CDK19: variants seen among roughly 807,000 people sequenced by gnomAD.
The protein encoded by CDK19 is cyclin dependent kinase 19, also known as cyclin-dependent kinase 19.
CDK19 carries 20 observed loss-of-function variants against 68.3 expected under a neutral mutation model. That is an observed-to-expected ratio of 0.29 (90% confidence interval 0.21 to 0.43). CDK19 has a LOEUF of 0.43. CDK19 is among the 20% of genes least tolerant of loss of function. The probability of loss-of-function intolerance (pLI) is 1.00; values close to 1 mark genes in which losing one functional copy is unlikely to be tolerated. For synonymous variants in CDK19, 221 were observed against 222.8 expected (o/e 0.99, Z 0.07); for missense variants, 339 against 623.5 (o/e 0.54, Z 4.86).
chr6:110,765,493 A>ATG (rs1779518334), intron 1 of CDK19, among the ~76,000 whole-genome samples: 1 of 152,048 alleles, frequency 6.6e-6, no homozygotes, highest in African/African-American at 2.4e-5. Flanking sequence ...CCTGCCCAAC[A>ATG]ACATGGTGAA....
intron 1 of CDK19, among the ~76,000 whole-genome samples, chr6:110,811,831 G>C (rs1783123759): frequency 6.6e-6 from 1 of 151,580 alleles, no homozygotes. Context: ...AACACAGCAA[G>C]ACCCTGTCTG....
At chr6:110,679,447 T>C (rs1299840606) in intron 2 of CDK19, among the ~76,000 whole-genome samples, 1 of 152,024 alleles carries the variant, frequency 6.6e-6, no homozygotes, top group Non-Finnish European at 1.5e-5. Flanking sequence ...ACACCATCTC[T>C]ACTAAAATAC....
chr6:110,724,416 C>A (rs1362032350), intron 2 of CDK19, among the ~76,000 whole-genome samples: 1 of 152,134 alleles, frequency 6.6e-6, no homozygotes, highest in Non-Finnish European at 1.5e-5. Flanking sequence ...ACTGACCGCA[C>A]TGCCCTGCTC....
chr6:110,790,065 T>C lies in CDK19; in HGVS notation c.128+24944A>G, dbSNP rs201396953. ...TAGCTATTCATGTACTCAGCACCAATATATCAGATGCTGAAACATATTATG... is the reference window on the plus strand; with the variant it reads ...TAGCTATTCATGTACTCAGCACCAACATATCAGATGCTGAAACATATTATG... On this transcript the variant is annotated intron_variant, in intron 1 of 12. Coordinates refer to ENST00000368911, the MANE Select transcript of CDK19 (RefSeq NM_015076.5). Among the ~76,000 whole-genome samples the C allele has an allele frequency of 2.6e-5, 4 of 152,188 alleles. No homozygotes were observed. In the East Asian group the frequency reaches 7.7e-4, roughly 29 times the overall value.
intron 2 of CDK19, among the ~76,000 whole-genome samples, chr6:110,712,127 A>G (rs1267550936): frequency 6.6e-6 from 1 of 152,086 alleles, no homozygotes; most frequent in South Asian, 2.1e-4. Context: ...CAGACAGGCT[A>G]CTCCTCCTGT....
intron 1 of CDK19, among the ~76,000 whole-genome samples, chr6:110,809,567 C>T (rs1266404157): frequency 1.6e-4 from 24 of 152,154 alleles, no homozygotes; most frequent in Admixed American, 1.4e-3. Context: ...AAAAGCAGTA[C>T]ATTTCTTAGA....
At chr6:110,780,345 G>A (rs1382534689) in intron 1 of CDK19, among the ~76,000 whole-genome samples, 2 of 142,818 alleles carry the variant, frequency 1.4e-5, no homozygotes, top group South Asian at 2.2e-4. Flanking sequence ...AGCCAAGATC[G>A]CACCACTGCA....
chr6:110,769,981 A>C (rs1241708008), intron 1 of CDK19, among the ~76,000 whole-genome samples: 1 of 152,340 alleles, frequency 6.6e-6, no homozygotes, highest in South Asian at 2.1e-4. Context: ...ATAGCCACTG[A>C]AAAAAGTAAA....
At chr6:110,768,348 A>C (rs936047410) in intron 1 of CDK19, among the ~76,000 whole-genome samples, 3 of 152,240 alleles carry the variant, frequency 2.0e-5, no homozygotes, top group African/African-American at 7.2e-5. Context: ...TACAAAACTA[A>C]ACATGTTCAT....
At chr6:110,660,675 T>C (rs1487079839) in intron 4 of CDK19, among the ~76,000 whole-genome samples, 1 of 152,140 alleles carries the variant, frequency 6.6e-6, no homozygotes, top group Admixed American at 6.5e-5. Context: ...TAGACTCTTC[T>C]CCAAAGCTAC....
At chr6:110,749,409 C>CAGGCTG (rs10695078) in intron 1 of CDK19, among the ~76,000 whole-genome samples, 51,441 of 151,454 alleles carry the variant, frequency 0.34, 10,158 homozygotes, top group East Asian at 0.68. Context: ...ATGTGTCCCC[C>CAGGCTG]AAGTACAGTA....
intron 1 of CDK19, among the ~76,000 whole-genome samples, chr6:110,767,323 G>A (rs1167183318): frequency 6.6e-6 from 1 of 151,080 alleles, no homozygotes; most frequent in East Asian, 2.0e-4. Flanking sequence ...AGTGACTATA[G>A]TTAATAATAA....
At chr6:110,629,420 A>T (rs545608364) in intron 6 of CDK19, among the ~76,000 whole-genome samples, 325 of 152,204 alleles carry the variant, frequency 2.1e-3, no homozygotes, top group African/African-American at 7.6e-3. Context: ...GTCACTCCAC[A>T]AACCTCCACT....
intron 1 of CDK19, among the ~76,000 whole-genome samples, chr6:110,779,136 T>C (rs747947469): frequency 6.6e-6 from 1 of 152,188 alleles, no homozygotes; most frequent in Non-Finnish European, 1.5e-5. Context: ...TTCCTTATCT[T>C]GGCACATGAT....
At chr6:110,771,853 C>A (rs1780035054) in intron 1 of CDK19, among the ~76,000 whole-genome samples, 1 of 152,210 alleles carries the variant, frequency 6.6e-6, no homozygotes, top group Non-Finnish European at 1.5e-5. Context: ...GGGCAAAATG[C>A]CACCAGTCTC....
Position 110,678,669 on chromosome 6 carries a change from C to G in CDK19, c.205-8128G>C, listed in dbSNP as rs1402232539. On this transcript the variant is annotated intron_variant, in intron 2 of 12. Transcript: ENST00000368911. ...CAATTCTAAAGAAACTGTAGAAAAT[C>G]AAAAGCTTTCTAGTAACTCAGGTAG... Among the ~76,000 whole-genome samples, 3 of 152,154 alleles carry G rather than the reference C, an allele frequency of 2.0e-5. No homozygotes were observed. The East Asian group carries it at 5.8e-4, about 29-fold the overall frequency.
At chr6:110,727,021 A>C (rs1776362526) in intron 2 of CDK19, among the ~76,000 whole-genome samples, 1 of 152,206 alleles carries the variant, frequency 6.6e-6, no homozygotes, top group African/African-American at 2.4e-5. Flanking sequence ...TAATATTTAT[A>C]GTTTTATTAT....
chr6:110,730,488 T>A (rs1194387375), intron 2 of CDK19, among the ~76,000 whole-genome samples: 1 of 152,194 alleles, frequency 6.6e-6, no homozygotes, highest in Non-Finnish European at 1.5e-5. Context: ...AACATAATTA[T>A]GGATACAAAT....
chr6:110,638,755 A>G (rs770824979), intron 4 of CDK19, 49 bp from the exon 5 acceptor site: 9 of 959,098 alleles, frequency 9.4e-6, no homozygotes, highest in Admixed American at 4.2e-5. Context: ...TTCTTTTGAC[A>G]TGCTCTAAAA....
Sources: allele counts gnomAD v4.1 joint callset (sites outside exome capture counted in the v4.1 genomes callset), GRCh38; gene constraint gnomAD v4.1.1; transcripts MANE v1.5; gene names NCBI Gene and HGNC (gene_info 2026-07-23, HGNC 2026-07-21).